Variants in CTNNA3 observed in about 807,000 individuals in gnomAD.
CTNNA3 encodes the protein catenin alpha-3.
A neutral mutation model predicts 95.7 loss-of-function variants in CTNNA3; 76 were observed. That is an observed-to-expected ratio of 0.79 (90% CI 0.66 to 0.96). The LOEUF (loss-of-function observed/expected upper bound fraction) is 0.96, where lower values mean the gene tolerates loss of function less well. Among genes scored for constraint, CTNNA3 ranks in the 40% least tolerant of loss-of-function variants. CTNNA3 has a pLI of 0.00. For synonymous variants in CTNNA3, 431 were observed against 374.4 expected (o/e 1.15, Z -1.74); for missense variants, 1,191 against 1,089.8 (o/e 1.09, Z -1.31).
At chr10:66,485,161 TG>T (rs1839682121) in intron 11 of CTNNA3, among the ~76,000 whole-genome samples, 1 of 152,128 alleles carries the variant, frequency 6.6e-6, no homozygotes, top group South Asian at 2.1e-4. Context: ...TTCTCTTCTA[TG>T]ATCAGGAATA....
chr10:66,255,295 G>T (rs1459783136), intron 13 of CTNNA3, among the ~76,000 whole-genome samples: 4 of 152,196 alleles, frequency 2.6e-5, no homozygotes, highest in Non-Finnish European at 4.4e-5. Flanking sequence ...ATCCCTCGCA[G>T]GCACTTCAGG....
intron 1 of CTNNA3, among the ~76,000 whole-genome samples, chr10:67,677,066 G>A (rs1396846556): frequency 6.6e-6 from 1 of 152,038 alleles, no homozygotes. Context: ...CTGTTTGAAG[G>A]CTCCCAGATT....
intron 17 of CTNNA3, among the ~76,000 whole-genome samples, chr10:65,960,831 T>C (rs1467697430): frequency 2.0e-5 from 3 of 152,230 alleles, no homozygotes; most frequent in Admixed American, 2.0e-4. Context: ...TGCATTCATG[T>C]GGATGTGAAG....
At chr10:67,094,709 T>C (rs1857861261) in intron 7 of CTNNA3, among the ~76,000 whole-genome samples, 1 of 151,730 alleles carries the variant, frequency 6.6e-6, no homozygotes, top group South Asian at 2.1e-4. Context: ...TAACCAAATA[T>C]TTTATATATT....
chr10:66,182,501 C>T (rs533542431), intron 13 of CTNNA3, among the ~76,000 whole-genome samples: 32 of 152,128 alleles, frequency 2.1e-4, no homozygotes, highest in Non-Finnish European at 3.8e-4. Context: ...GTGATCCGCC[C>T]GCCTCGGCCT....
At chr10:66,524,853 C>T (rs931547965) in intron 10 of CTNNA3, among the ~76,000 whole-genome samples, 2 of 151,998 alleles carry the variant, frequency 1.3e-5, no homozygotes, top group Admixed American at 6.6e-5. Flanking sequence ...AGTGCGAGAC[C>T]AGACTGACCA....
intron 17 of CTNNA3, among the ~76,000 whole-genome samples, chr10:65,958,639 G>C (rs2077780289): frequency 1.3e-5 from 2 of 152,134 alleles, no homozygotes; most frequent in Admixed American, 1.3e-4. Context: ...CAGGTGTGTT[G>C]GAGTTTGCTG....
intron 10 of CTNNA3, among the ~76,000 whole-genome samples, chr10:66,531,854 G>GA (rs1166894481): frequency 6.6e-6 from 1 of 151,886 alleles, no homozygotes. Context: ...TGGCAATGAT[G>GA]AAAAAATAAA....
At chr10:67,540,232 A>G (rs1840631413) in intron 3 of CTNNA3, among the ~76,000 whole-genome samples, 1 of 152,024 alleles carries the variant, frequency 6.6e-6, no homozygotes, top group South Asian at 2.1e-4. Flanking sequence ...TTTAAAATAT[A>G]TTTTATTATA....
intron 7 of CTNNA3, among the ~76,000 whole-genome samples, chr10:66,955,882 G>T (rs769070633): frequency 3.3e-5 from 5 of 152,066 alleles, no homozygotes; most frequent in African/African-American, 1.2e-4. Flanking sequence ...AGATCTGACT[G>T]GGGGGTATCT....
At chr10:67,005,572 G>A (rs1418515054) in intron 7 of CTNNA3, among the ~76,000 whole-genome samples, 1 of 151,664 alleles carries the variant, frequency 6.6e-6, no homozygotes, top group Non-Finnish European at 1.5e-5. Context: ...GGAGGCAAAG[G>A]TGAATATATC....
At chr10:66,188,332 T>G (rs943177786) in intron 13 of CTNNA3, among the ~76,000 whole-genome samples, 3 of 152,148 alleles carry the variant, frequency 2.0e-5, no homozygotes, top group African/African-American at 4.8e-5. Context: ...TTATTTATCC[T>G]GCATCATTGC....
intron 5 of CTNNA3, among the ~76,000 whole-genome samples, chr10:67,357,098 C>T (rs1288654957): frequency 6.6e-6 from 1 of 152,084 alleles, no homozygotes; most frequent in East Asian, 1.9e-4. Context: ...ATATACACCA[C>T]CATATCTAGC....
At chr10:67,645,435 A>G (rs1298788660) in intron 2 of CTNNA3, among the ~76,000 whole-genome samples, 2 of 152,126 alleles carry the variant, frequency 1.3e-5, no homozygotes, top group Non-Finnish European at 2.9e-5. Flanking sequence ...TATAGAGCAA[A>G]TAAGGGTTAT....
chr10:66,693,704 G>T (rs955681971), intron 9 of CTNNA3, among the ~76,000 whole-genome samples: 2 of 152,034 alleles, frequency 1.3e-5, no homozygotes, highest in African/African-American at 2.4e-5. Flanking sequence ...TGACCACATA[G>T]TTGGAAGTAA....
intron 7 of CTNNA3, among the ~76,000 whole-genome samples, chr10:66,809,096 C>T (rs187283701): frequency 6.6e-6 from 1 of 152,242 alleles, no homozygotes; most frequent in East Asian, 1.9e-4. Flanking sequence ...TTGCATAACC[C>T]TTCTTTCTTA....
chr10:67,313,999 G>A (rs542677963), intron 5 of CTNNA3, among the ~76,000 whole-genome samples: 10 of 152,284 alleles, frequency 6.6e-5, no homozygotes, highest in African/African-American at 2.4e-4. Flanking sequence ...CCTAGAGAGA[G>A]TGCATAGAGT....
At chr10:67,490,564 G>A (rs911287612) in intron 5 of CTNNA3, among the ~76,000 whole-genome samples, 4 of 152,094 alleles carry the variant, frequency 2.6e-5, no homozygotes, top group African/African-American at 4.8e-5. Flanking sequence ...GGGGAACAAG[G>A]GCAAGATGGG....
At chr10:67,203,803 G>A (rs932506550) in intron 6 of CTNNA3, among the ~76,000 whole-genome samples, 1 of 152,078 alleles carries the variant, frequency 6.6e-6, no homozygotes, top group Non-Finnish European at 1.5e-5. Flanking sequence ...TTCTTAGCTT[G>A]GCATTCAATA....
Sources: allele counts gnomAD v4.1 joint callset (sites outside exome capture counted in the v4.1 genomes callset), GRCh38; gene constraint gnomAD v4.1.1; transcripts MANE v1.5; gene names NCBI Gene and HGNC (gene_info 2026-07-23, HGNC 2026-07-21).